The following ZMYM3 variants were observed in gnomAD, a reference collection of about 807,000 sequenced individuals.
ZMYM3 encodes the protein zinc finger MYM-type protein 3.
ZMYM3 carries 6 observed loss-of-function variants against 94.2 expected under a neutral mutation model. That is an observed-to-expected ratio of 0.06 (90% CI 0.03 to 0.13). The LOEUF (loss-of-function observed/expected upper bound fraction) is 0.13, where lower values mean the gene tolerates loss of function less well. Ranked by LOEUF, ZMYM3 falls within the 10% of genes least tolerant of loss-of-function variation. ZMYM3 has a pLI of 1.00. For missense variants in ZMYM3, 664 were observed against 1,132.6 expected, an observed-to-expected ratio of 0.59 and a Z score of 5.94; for synonymous variants, 420 against 426.5, an observed-to-expected ratio of 0.98 and a Z score of 0.19.
At chrX:71,248,624 C>T (rs905238250) in intron 9 of ZMYM3, 62 bp downstream of exon 9, 7 of 1,148,830 alleles carry the variant, frequency 6.1e-6, no homozygotes, top group African/African-American at 1.8e-5. Flanking sequence ...CTGCCTACCC[C>T]AATTCTCCAA....
Position 71,242,182 on chromosome X carries a change from T to G in ZMYM3, c.3790A>C (p.Arg1264=). ...SIRYYAPVRQ[R]KGRDTGPGKR... ...GGCAGCCTCGTACCTCGCCCTTTCC[T>G]CTGGCGGACTGGGGCATAGTAGCGG... The change falls in exon 23 of 25, where the codon AGG becomes CGG. Residue 1264 remains arginine, a synonymous_variant. Coordinates refer to ENST00000314425, the MANE Select transcript of ZMYM3 (RefSeq NM_201599.3). The G allele has an allele frequency of 8.4e-7, 1 of 1,186,485 alleles. No homozygotes were observed. The highest frequency in any genetic ancestry group is 1.1e-6 in the Non-Finnish European group (1 of 882,697).
At position 71,240,821 on chromosome X, in the gene ZMYM3, G is replaced by C; in HGVS notation, c.*95C>G. 1 of 971,930 alleles carries C rather than the reference G, an allele frequency of 1.0e-6. No individual in the cohort carries two copies. Among genetic ancestry groups the C allele is most frequent in the Non-Finnish European group, 1.4e-6 (1 of 697,647 alleles). The allele number at this position is 971,930 out of a possible 1,213,427, so 80.1% of individuals were successfully genotyped here. A position where few individuals can be genotyped will look rare whatever the true frequency, so the allele number is the denominator to read the frequency against. On this transcript the variant is annotated 3_prime_UTR_variant, in exon 25 of 25. Transcript: ENST00000314425. ...GGAAAGGAGCAGTCAGGGCCCTTCAGAATGAGTAGCATTGGTTCCTGGGCC... is the reference window on the plus strand; with the variant it reads ...GGAAAGGAGCAGTCAGGGCCCTTCACAATGAGTAGCATTGGTTCCTGGGCC...
At chrX:71,246,257 C>T in intron 15 of ZMYM3, 96 bp downstream of exon 15, 5 of 1,139,896 alleles carry the variant, frequency 4.4e-6, no homozygotes, top group Non-Finnish European at 6.0e-6. Context: ...GAGGCTTCAG[C>T]TACCTAAGAA....
chrX:71,242,107 G>A, intron 23 of ZMYM3, 63 bp downstream of exon 23: 1 of 1,140,880 alleles, frequency 8.8e-7, no homozygotes. Flanking sequence ...GTGGGTTATG[G>A]CAGGGCATGG....
At chrX:71,243,473 A>G in intron 21 of ZMYM3, 1 of 265,160 alleles carries the variant, frequency 3.8e-6, no homozygotes, top group Middle Eastern at 1.1e-3. Context: ...TCCTTGGCCA[A>G]CGGTCCTGGA....
rs2030323223 is a variant in ZMYM3 at position 71,249,080 on chromosome X, G to A, written c.1560C>T (p.Thr520=). The change falls in exon 8 of 25, where the codon ACC becomes ACT. Residue 520 remains threonine, a synonymous_variant. Coordinates refer to ENST00000314425, the MANE Select transcript of ZMYM3 (RefSeq NM_201599.3). ...TACAGCACAGGGAACAGAACAAGCT[G>A]GTCTTGCCATTACGATCCACATGTG... ...MLSHVDRNGK[T]SLFCSLCCTT... 8.3e-7 allele frequency: 1 copy of A among 1,209,797 alleles called. No homozygotes were observed. The highest frequency in any genetic ancestry group is 1.8e-5 in the African/African-American group (1 of 56,970).
chrX:71,245,265 G>A, intron 18 of ZMYM3, 74 bp downstream of exon 18: 1 of 1,146,843 alleles, frequency 8.7e-7, no homozygotes, highest in Non-Finnish European at 1.2e-6. Context: ...CATGCTCAGG[G>A]ACACAAGGGA....
intron 13 of ZMYM3, 137 bp from the exon 14 acceptor site, chrX:71,246,829 C>T: frequency 3.6e-6 from 2 of 548,742 alleles, no homozygotes; most frequent in East Asian, 7.4e-5. Flanking sequence ...CCTTGCCATC[C>T]CAGATCTAGT....
chrX:71,241,214 C>A lies in ZMYM3; in HGVS notation c.3920+13G>T. On this transcript the variant is annotated intron_variant, in intron 24 of 24. Coordinates refer to ENST00000314425, the MANE Select transcript of ZMYM3 (RefSeq NM_201599.3). ...CCCATGCTAACGCTTTTCCTGCCAA[C>A]CCACCAACTCACCATTTTGAGAGAT... is the stretch of plus-strand genomic sequence containing the variant. 1 of 1,194,111 alleles carries A rather than the reference C, an allele frequency of 8.4e-7. No homozygotes were observed. The highest frequency in any genetic ancestry group is 1.1e-6 in the Non-Finnish European group (1 of 883,045).
chrX:71,249,234 T>G, intron 7 of ZMYM3, 65 bp from the exon 8 acceptor site: 2 of 1,193,547 alleles, frequency 1.7e-6, no homozygotes, highest in Non-Finnish European at 2.3e-6. Context: ...TTTTAAATGT[T>G]TTAAACATGA....
In ZMYM3 at chrX:71,240,948, G is replaced by C; in HGVS notation, c.4081C>G (p.Leu1361Val). The stretch of plus-strand genomic sequence containing the variant: ...AGGTCTTCCTCCCCAGGACGACCCA[G>C]TTCCTCATAAATCTCGCGCACAGCC... The part of the protein sequence containing the change: ...ILAVREIYEE[L>V]GRPGEEDLD The change falls in exon 25 of 25, where the codon CTG (leucine) becomes GTG (valine). Residue 1361 changes from leucine (L) to valine (V), a missense_variant. This residue lies in a region of ZMYM3 where 58 missense variants were observed against 112.4 expected (regional missense o/e 0.52). Coordinates refer to ENST00000314425, the MANE Select transcript of ZMYM3 (RefSeq NM_201599.3). 5.8e-6 allele frequency: 7 copies of C among 1,211,661 alleles called. No individual in the cohort carries two copies. Among genetic ancestry groups the C allele is most frequent in the Non-Finnish European group, 7.8e-6 (7 of 895,451 alleles).
Position 71,249,676 on chromosome X carries a change from G to C in ZMYM3, c.1255C>G (p.Leu419Val). 8.3e-7 allele frequency: 1 copy of C among 1,210,111 alleles called. No individual in the cohort carries two copies. The highest frequency in any genetic ancestry group is 1.7e-5 in the African/African-American group (1 of 57,776). The change falls in exon 7 of 25, where the codon CTG becomes GTG. Residue 419 changes from leucine to valine, a missense_variant. Leu to Val is a conservative substitution (Grantham distance 32). Transcript: ENST00000314425. ...CSICQKTGEV[L>V]HEVSNGSVVH... The stretch of plus-strand genomic sequence containing the variant: ...ACGCTGCCATTGCTGACCTCGTGCA[G>C]GACCTGCCACACACATACACGCACC...
intron 19 of ZMYM3, 77 bp downstream of exon 19, chrX:71,244,713 T>C: frequency 1.1e-6 from 1 of 950,415 alleles, no homozygotes; most frequent in Non-Finnish European, 1.5e-6. Flanking sequence ...CAAACTATGG[T>C]TGCTGGCTTG....
rs1190004894 is a variant in ZMYM3 at position 71,250,494 on chromosome X, T to G, written c.1011A>C (p.Ser337=). ...RKGLPQLFCS[S]SCLTTFSKKP... ...TCTTGGAGAAAGTGGTGAGGCAGGA[T>G]GACGAGCAGAAGAGCTGAGGCAGCC... The change falls in exon 5 of 25, where the codon TCA becomes TCC. Residue 337 remains serine, a synonymous_variant. Coordinates refer to ENST00000314425, the MANE Select transcript of ZMYM3 (RefSeq NM_201599.3). 8.3e-7 allele frequency: 1 copy of G among 1,211,194 alleles called. No homozygotes were observed. Among genetic ancestry groups the G allele is most frequent in the Non-Finnish European group, 1.1e-6 (1 of 895,252 alleles).
Position 71,241,084 on chromosome X carries a change from G to A in ZMYM3, c.3945C>T (p.Asn1315=), listed in dbSNP as rs2272778. 4.6e-3 allele frequency: 5,517 copies of A among 1,207,394 alleles called. 14 individuals carry two copies. The highest frequency in any genetic ancestry group is 6.4e-3 in the East Asian group (215 of 33,680). ...SKCPESLRTR[N]DVFYLQPERS... is the part of the protein sequence containing the mutation. ...GTTCAGGTTGCAGGTAGAACACATC[G>A]TTGCGAGTCCGGAGGCTTTCAGGAC... The change falls in exon 25 of 25, where the codon AAC becomes AAT. Residue 1315 remains asparagine, a synonymous_variant. Coordinates refer to ENST00000314425, the MANE Select transcript of ZMYM3 (RefSeq NM_201599.3).
chrX:71,242,051 G>A (rs199770761), intron 23 of ZMYM3, 119 bp downstream of exon 23: 4 of 917,654 alleles, frequency 4.4e-6, no homozygotes, highest in Non-Finnish European at 5.8e-6. Context: ...ACAGGAACAG[G>A]AGAGGGAAGC....
chrX:71,252,951 G>A lies in ZMYM3; in HGVS notation c.305C>T (p.Thr102Ile). The A allele has an allele frequency of 1.7e-6, 2 of 1,211,697 alleles. No individual in the cohort carries two copies. The highest frequency in any genetic ancestry group is 2.2e-6 in the Non-Finnish European group (2 of 895,408). The change falls in exon 2 of 25, where the codon ACC (threonine) becomes ATC (isoleucine). Residue 102 changes from threonine to isoleucine, a missense_variant. By Grantham distance (89) the Thr-to-Ile change is moderately conservative. Around this residue, in one of 9 missense-constraint regions of ZMYM3, gnomAD observed 196 missense variants for 190.8 expected, o/e 1.03. Coordinates refer to ENST00000314425, the MANE Select transcript of ZMYM3 (RefSeq NM_201599.3). Reference protein sequence around the residue: ...PPEVDHGPEGTLAWDAGDQTL... With the variant: ...PPEVDHGPEGILAWDAGDQTL... ...CTGATCTCCTGCATCCCATGCCAGG[G>A]TTCCCTCAGGACCGTGGTCCACCTC...
chrX:71,252,663 G>A lies in ZMYM3; in HGVS notation c.593C>T (p.Thr198Ile), dbSNP rs141514706. ...NAPPSPSVGE[T>I]LGDGINSSQT... Reference sequence around the variant, plus strand: ...AGAACTGTTGATTCCATCCCCCAGAGTCTCTCCCACTGAAGGGCTAGGCGG... The same window carrying A: ...AGAACTGTTGATTCCATCCCCCAGAATCTCTCCCACTGAAGGGCTAGGCGG... Residue 198 changes from threonine (T) to isoleucine (I), a missense_variant, in exon 2 of 25, where the codon ACT becomes ATT. Coordinates refer to ENST00000314425, the MANE Select transcript of ZMYM3 (RefSeq NM_201599.3). The A allele has an allele frequency of 8.5e-7, 1 of 1,173,223 alleles. No homozygotes were observed. Among genetic ancestry groups the A allele is most frequent in the African/African-American group, 1.8e-5 (1 of 55,868 alleles).
chrX:71,247,597 C>G (rs1318877419), intron 12 of ZMYM3, 87 bp from the exon 13 acceptor site: 1 of 1,146,708 alleles, frequency 8.7e-7, no homozygotes, highest in African/African-American at 1.8e-5. Flanking sequence ...TGCTCCTCCC[C>G]TTGGAGATCG....
Sources: gnomAD v4.1 joint callset for allele counts on GRCh38, gnomAD v4.1.1 for gene constraint, gnomAD v4.1.1 regional missense constraint, MANE v1.5 for transcripts, NCBI Gene and HGNC (gene_info 2026-07-23, HGNC 2026-07-21) for gene names.